The following SGCZ variants were observed in gnomAD, a reference collection of about 807,000 sequenced individuals.
SGCZ encodes sarcoglycan zeta.
SGCZ carries 40 observed loss-of-function variants against 41.3 expected under a neutral mutation model. The ratio of observed to expected loss-of-function variants is 0.97; its 90% CI spans 0.75 to 1.26. SGCZ has a LOEUF of 1.26. Among genes scored for constraint, SGCZ ranks in the 50% most tolerant of loss-of-function variants. SGCZ has a pLI of 0.00. For missense variants in SGCZ, 552 were observed against 369.8 expected, an observed-to-expected ratio of 1.49 and a Z score of -4.04; for synonymous variants, 206 against 137.5, an observed-to-expected ratio of 1.50 and a Z score of -3.49.
chr8:14,349,571 T>C lies in SGCZ; in HGVS notation c.235-25367A>G, dbSNP rs568528308. On this transcript the variant is annotated intron_variant, in intron 2 of 7. Transcript: ENST00000382080. The stretch of plus-strand genomic sequence containing the variant: ...TTACCTATTCTCCCATCTCCAACAT[T>C]GGGGGTAAAAGACTCTGAGATCCTA... 1.2e-4 allele frequency among the ~76,000 whole-genome samples: 18 copies of C among 152,176 alleles called. No homozygotes were observed. The South Asian group carries it at 1.5e-3, about 12-fold the overall frequency.
chr8:14,567,960 C>G (rs531098294), intron 1 of SGCZ, among the ~76,000 whole-genome samples: 1 of 152,182 alleles, frequency 6.6e-6, no homozygotes, highest in Non-Finnish European at 1.5e-5. Context: ...AGAACTATAA[C>G]GCTCACCGCG....
At chr8:14,127,681 C>T (rs1289193997) in intron 5 of SGCZ, among the ~76,000 whole-genome samples, 1 of 152,186 alleles carries the variant, frequency 6.6e-6, no homozygotes, top group East Asian at 1.9e-4. Flanking sequence ...TGGACTTGAT[C>T]TCCTGATCTT....
intron 1 of SGCZ, among the ~76,000 whole-genome samples, chr8:15,235,460 C>CA (rs1305141856): frequency 3.9e-5 from 6 of 152,204 alleles, no homozygotes; most frequent in African/African-American, 1.4e-4. Context: ...AACATGCCTT[C>CA]ATTTCTTCCC....
At chr8:14,179,823 C>T (rs1203358556) in intron 4 of SGCZ, among the ~76,000 whole-genome samples, 1 of 152,118 alleles carries the variant, frequency 6.6e-6, no homozygotes, top group Admixed American at 6.5e-5. Flanking sequence ...CTAGAAGATA[C>T]TCATTCCTCA....
chr8:15,215,593 G>A (rs1263688128), intron 1 of SGCZ, among the ~76,000 whole-genome samples: 1 of 152,084 alleles, frequency 6.6e-6, no homozygotes, highest in Non-Finnish European at 1.5e-5. Flanking sequence ...CATTTTTTAG[G>A]TTGCTGTGGG....
At chr8:14,852,001 T>C (rs1803346618) in intron 1 of SGCZ, among the ~76,000 whole-genome samples, 1 of 152,216 alleles carries the variant, frequency 6.6e-6, no homozygotes, top group Admixed American at 6.5e-5. Context: ...TTTTTTTCCT[T>C]TCTAGGAAAC....
chr8:15,116,644 T>C (rs1807280584), intron 1 of SGCZ, among the ~76,000 whole-genome samples: 2 of 152,174 alleles, frequency 1.3e-5, no homozygotes, highest in Non-Finnish European at 2.9e-5. Context: ...GAAATATGTA[T>C]AATAAAGCAC....
chr8:14,971,130 T>C (rs2130864566), intron 1 of SGCZ, among the ~76,000 whole-genome samples: 1 of 152,326 alleles, frequency 6.6e-6, no homozygotes, highest in Non-Finnish European at 1.5e-5. Flanking sequence ...ATCTTGAATC[T>C]TGCTATTATT....
intron 2 of SGCZ, among the ~76,000 whole-genome samples, chr8:14,457,760 C>A (rs1304340975): frequency 6.6e-6 from 1 of 152,220 alleles, no homozygotes; most frequent in Non-Finnish European, 1.5e-5. Context: ...GTCCAGTGGA[C>A]ACGTGACCCA....
intron 1 of SGCZ, among the ~76,000 whole-genome samples, chr8:14,761,134 G>A (rs1799857894): frequency 6.6e-6 from 1 of 152,116 alleles, no homozygotes; most frequent in South Asian, 2.1e-4. Flanking sequence ...TAATTATTCT[G>A]TCACAGTGCT....
chr8:14,486,560 A>G (rs895620102), intron 2 of SGCZ, among the ~76,000 whole-genome samples: 2 of 152,218 alleles, frequency 1.3e-5, no homozygotes, highest in Non-Finnish European at 2.9e-5. Context: ...ACTTCTTGTG[A>G]GTAATGAGTG....
chr8:14,434,477 A>G (rs561780185), intron 2 of SGCZ, among the ~76,000 whole-genome samples: 1 of 152,234 alleles, frequency 6.6e-6, no homozygotes, highest in East Asian at 1.9e-4. Flanking sequence ...TATGAATTTT[A>G]GGATTGCTTT....
chr8:14,287,391 A>C (rs1245643185), intron 3 of SGCZ, among the ~76,000 whole-genome samples: 3 of 151,970 alleles, frequency 2.0e-5, no homozygotes, highest in East Asian at 3.9e-4. Flanking sequence ...AATAACAATT[A>C]AGTGCTAAGA....
At chr8:14,128,723 A>C (rs1003741151) in intron 5 of SGCZ, among the ~76,000 whole-genome samples, 3 of 146,686 alleles carry the variant, frequency 2.0e-5, no homozygotes, top group African/African-American at 7.4e-5. Flanking sequence ...ACATATACAC[A>C]CACACACACA....
intron 1 of SGCZ, among the ~76,000 whole-genome samples, chr8:15,049,575 G>C (rs1039969797): frequency 6.6e-6 from 1 of 152,142 alleles, no homozygotes; most frequent in African/African-American, 2.4e-5. Flanking sequence ...TGGAAGCATG[G>C]AGACCAATTA....
intron 1 of SGCZ, among the ~76,000 whole-genome samples, chr8:15,157,097 C>A (rs1799354242): frequency 6.6e-6 from 1 of 151,990 alleles, no homozygotes; most frequent in Non-Finnish European, 1.5e-5. Context: ...ATACCTGTAC[C>A]CAAATGATGC....
chr8:14,807,896 G>A (rs1372414731), intron 1 of SGCZ, among the ~76,000 whole-genome samples: 1 of 151,936 alleles, frequency 6.6e-6, no homozygotes, highest in African/African-American at 2.4e-5. Flanking sequence ...TAGATCAATG[G>A]AACAGAACAG....
chr8:14,626,844 G>A (rs556592711), intron 1 of SGCZ, among the ~76,000 whole-genome samples: 1 of 152,220 alleles, frequency 6.6e-6, no homozygotes, highest in South Asian at 2.1e-4. Flanking sequence ...CAATTCTATT[G>A]CTTAATCCAC....
intron 3 of SGCZ, among the ~76,000 whole-genome samples, chr8:14,316,314 G>C (rs1200213068): frequency 6.6e-6 from 1 of 151,932 alleles, no homozygotes. Flanking sequence ...AATTTATTAA[G>C]ATTGCTACCT....
Sources: allele counts gnomAD v4.1 joint callset (sites outside exome capture counted in the v4.1 genomes callset), GRCh38; gene constraint gnomAD v4.1.1; transcripts MANE v1.5; gene names NCBI Gene and HGNC (gene_info 2026-07-23, HGNC 2026-07-21).